The following RAPGEF4 variants were observed in gnomAD, a reference collection of about 807,000 sequenced individuals.
RAPGEF4 encodes the protein Rap guanine nucleotide exchange factor 4.
RAPGEF4 carries 66 observed loss-of-function variants against 147.9 expected under a neutral mutation model. That is an observed-to-expected ratio of 0.45 (90% CI 0.37 to 0.55). The LOEUF (loss-of-function observed/expected upper bound fraction) is 0.55. RAPGEF4 is among the 20% of genes least tolerant of loss of function. RAPGEF4 has a pLI of 0.00. For synonymous variants in RAPGEF4, 419 were observed against 442.7 expected, an observed-to-expected ratio of 0.95 and a Z score of 0.67; for missense variants, 1,071 against 1,257.3, an observed-to-expected ratio of 0.85 and a Z score of 2.24.
intron 4 of RAPGEF4, among the ~76,000 whole-genome samples, chr2:172,863,987 A>G (rs1395794734): frequency 1.3e-5 from 2 of 152,214 alleles, no homozygotes; most frequent in African/African-American, 2.4e-5. Flanking sequence ...AGGATAGAAA[A>G]TATTTTGAAT....
rs114337420 is a variant in RAPGEF4, at chr2:172,967,034, G to A, written c.821-227G>A. On this transcript the variant is annotated intron_variant, in intron 9 of 30. Coordinates refer to ENST00000397081, the MANE Select transcript of RAPGEF4 (RefSeq NM_007023.4). ...AGGTCCTCAAAGGGAGTCCCACAGA[G>A]GCCGAGGAGATGGGTGGGTCAGAGA... 2.5e-3 allele frequency: 1,077 copies of A among 428,266 alleles called. 6 individuals carry two copies. The highest frequency in any genetic ancestry group is 4.6e-3 in the African/African-American group (231 of 49,824). 26.5% of individuals were successfully genotyped at this position (428,266 alleles called of 1,614,324 possible). A position where few individuals can be genotyped will look rare whatever the true frequency, so the allele number is the denominator to read the frequency against.
intron 29 of RAPGEF4, chr2:173,048,328 T>C (rs770832146): frequency 5.6e-6 from 3 of 538,614 alleles, no homozygotes; most frequent in African/African-American, 2.0e-5. Context: ...TCAGGCATGA[T>C]AGATGTTTTT....
At chr2:172,753,371 A>G (rs1222496694) in intron 1 of RAPGEF4, among the ~76,000 whole-genome samples, 2 of 149,218 alleles carry the variant, frequency 1.3e-5, no homozygotes, top group East Asian at 4.0e-4. Flanking sequence ...CTGTTCTTCC[A>G]TTTTAGTTGA....
At chr2:172,912,436 C>T (rs1449280563) in intron 4 of RAPGEF4, among the ~76,000 whole-genome samples, 1 of 152,176 alleles carries the variant, frequency 6.6e-6, no homozygotes, top group Non-Finnish European at 1.5e-5. Context: ...TGAAGCACCA[C>T]CTTAAATCTT....
intron 4 of RAPGEF4, among the ~76,000 whole-genome samples, chr2:172,863,799 G>C (rs970736818): frequency 5.3e-5 from 8 of 152,126 alleles, no homozygotes; most frequent in Non-Finnish European, 1.0e-4. Context: ...AACATATTTA[G>C]GCTCCTTTTC....
At position 172,800,758 on chromosome 2, in the gene RAPGEF4, C is replaced by T. The variant is rs114948173; in HGVS notation, c.297+3145C>T. 7.9e-4 allele frequency among the ~76,000 whole-genome samples: 120 copies of T among 152,234 alleles called. 5 individuals are homozygous for T. The East Asian group carries it at 0.019, about 23-fold the overall frequency. On this transcript the variant is annotated intron_variant, in intron 3 of 30. Coordinates refer to ENST00000397081, the MANE Select transcript of RAPGEF4 (RefSeq NM_007023.4). ...CCTTCAAGTGAGTAGACGAGGTACACGCACATCATGGAGGGTAATCAACTT... is the reference window on the plus strand; with the variant it reads ...CCTTCAAGTGAGTAGACGAGGTACATGCACATCATGGAGGGTAATCAACTT...
chr2:173,029,085 C>T (rs1696934681), intron 25 of RAPGEF4, among the ~76,000 whole-genome samples: 1 of 152,178 alleles, frequency 6.6e-6, no homozygotes, highest in Admixed American at 6.5e-5. Flanking sequence ...TTCTAAATAA[C>T]CTTCAGCTCC....
At chr2:172,961,093 T>TC (rs1255738239) in intron 7 of RAPGEF4, 29 bp from the exon 8 acceptor site, 1 of 1,459,998 alleles carries the variant, frequency 6.8e-7, no homozygotes, top group African/African-American at 1.4e-5. Context: ...TTCTTTCTCC[T>TC]CCCCTCCTTC....
chr2:172,881,558 A>G (rs2149855615), intron 4 of RAPGEF4, among the ~76,000 whole-genome samples: 1 of 152,350 alleles, frequency 6.6e-6, no homozygotes, highest in East Asian at 1.9e-4. Context: ...GGATAGAAGG[A>G]AGCAGCCTGC....
At chr2:172,998,971 A>G (rs1693637419) in intron 16 of RAPGEF4, among the ~76,000 whole-genome samples, 1 of 152,216 alleles carries the variant, frequency 6.6e-6, no homozygotes, top group African/African-American at 2.4e-5. Context: ...CACCTCTAAA[A>G]GAGATGGAGA....
At chr2:172,836,155 A>C (rs1690900469) in intron 4 of RAPGEF4, among the ~76,000 whole-genome samples, 1 of 152,200 alleles carries the variant, frequency 6.6e-6, no homozygotes, top group South Asian at 2.1e-4. Flanking sequence ...AATTAGTGAA[A>C]AAACAATAGC....
chr2:172,767,510 A>T (rs1356910239), intron 1 of RAPGEF4, among the ~76,000 whole-genome samples: 4 of 152,184 alleles, frequency 2.6e-5, no homozygotes, highest in Non-Finnish European at 5.9e-5. Flanking sequence ...ACATATAAAC[A>T]TATGCATGGA....
chr2:172,816,368 G>C (rs1412265555), intron 4 of RAPGEF4, among the ~76,000 whole-genome samples: 1 of 151,430 alleles, frequency 6.6e-6, no homozygotes, highest in Admixed American at 6.6e-5. Flanking sequence ...CCAAATTCAA[G>C]ATTTGTCTGA....
rs948317610 is a variant in RAPGEF4, at chr2:172,940,586, C to T, written c.537+18286C>T. Reference sequence around the variant, plus strand: ...CTGAGGCCTCCCCATAAGTAGATGCCGTTATGTTTCCTGTACAGCCTTCAG... The same window carrying T: ...CTGAGGCCTCCCCATAAGTAGATGCTGTTATGTTTCCTGTACAGCCTTCAG... On this transcript the variant is annotated intron_variant, in intron 6 of 30. Transcript: ENST00000397081. 5.9e-5 allele frequency among the ~76,000 whole-genome samples: 9 copies of T among 152,200 alleles called. No homozygotes were observed. In the South Asian group the frequency reaches 1.0e-3, roughly 18 times the overall value.
chr2:172,877,471 G>A (rs1278284732), intron 4 of RAPGEF4, among the ~76,000 whole-genome samples: 2 of 151,432 alleles, frequency 1.3e-5, no homozygotes, highest in African/African-American at 4.9e-5. Flanking sequence ...ACCATGGCAC[G>A]TGTATACCTA....
chr2:172,978,510 G>A (rs1381104220), intron 10 of RAPGEF4, among the ~76,000 whole-genome samples: 4 of 152,322 alleles, frequency 2.6e-5, no homozygotes, highest in African/African-American at 9.6e-5. Flanking sequence ...TAGAGAGCAG[G>A]TCTCAAGGTC....
chr2:173,001,163 A>G (rs796647061), intron 16 of RAPGEF4, 103 bp from the exon 17 acceptor site: 66 of 1,521,036 alleles, frequency 4.3e-5, no homozygotes, highest in African/African-American at 2.2e-4. Flanking sequence ...CCCCAAACCA[A>G]TGTGTTAGAA....
intron 6 of RAPGEF4, among the ~76,000 whole-genome samples, chr2:172,951,729 T>C (rs1239315561): frequency 6.6e-6 from 1 of 152,068 alleles, no homozygotes; most frequent in Non-Finnish European, 1.5e-5. Flanking sequence ...AGAGATAAGA[T>C]CAGAGGTTGC....
intron 4 of RAPGEF4, among the ~76,000 whole-genome samples, chr2:172,850,182 T>A (rs1200667748): frequency 6.6e-6 from 1 of 152,198 alleles, no homozygotes; most frequent in Non-Finnish European, 1.5e-5. Flanking sequence ...ATGATCTTGA[T>A]GTCTAAAATA....
Sources: allele counts gnomAD v4.1 joint callset (sites outside exome capture counted in the v4.1 genomes callset), GRCh38; gene constraint gnomAD v4.1.1; transcripts MANE v1.5; gene names NCBI Gene and HGNC (gene_info 2026-07-23, HGNC 2026-07-21).